Variants in CDH13 observed in about 807,000 individuals in gnomAD.
CDH13 encodes cadherin 13, also known as cadherin-13.
Under a neutral mutation model 63.8 loss-of-function variants are expected in CDH13, and 24 were observed. The observed-to-expected ratio is 0.38, with a 90% CI of 0.27 to 0.53. The LOEUF (loss-of-function observed/expected upper bound fraction) is 0.53, where lower values mean the gene tolerates loss of function less well. CDH13 is among the 20% of genes least tolerant of loss of function. The pLI, the probability that CDH13 is intolerant of heterozygous loss-of-function variation, is 0.85. For synonymous variants in CDH13, 503 were observed against 355.3 expected, an observed-to-expected ratio of 1.42 and a Z score of -4.67; for missense variants, 1,049 against 903.1, an observed-to-expected ratio of 1.16 and a Z score of -2.07.
intron 5 of CDH13, among the ~76,000 whole-genome samples, chr16:83,269,360 C>T (rs1177221333): frequency 6.6e-6 from 1 of 152,182 alleles, no homozygotes; most frequent in Non-Finnish European, 1.5e-5. Context: ...TGCATTACTG[C>T]TGTATGCATC....
intron 2 of CDH13, among the ~76,000 whole-genome samples, chr16:82,897,817 A>G (rs185053781): frequency 6.6e-6 from 1 of 152,374 alleles, no homozygotes; most frequent in Admixed American, 6.5e-5. Context: ...ATGTGCCTTT[A>G]TGAGTTTATC....
intron 2 of CDH13, among the ~76,000 whole-genome samples, chr16:82,892,907 G>A (rs2041129662): frequency 6.6e-6 from 1 of 152,144 alleles, no homozygotes; most frequent in Non-Finnish European, 1.5e-5. Flanking sequence ...GAATTTAAAA[G>A]AGTAATCCCT....
intron 1 of CDH13, among the ~76,000 whole-genome samples, chr16:82,801,259 T>A (rs150953885): frequency 6.6e-6 from 1 of 152,228 alleles, no homozygotes; most frequent in African/African-American, 2.4e-5. Context: ...TTTCCCACTC[T>A]GCTATCAGCC....
chr16:83,086,094 A>G (rs1390311150), intron 3 of CDH13, among the ~76,000 whole-genome samples: 1 of 152,196 alleles, frequency 6.6e-6, no homozygotes, highest in Non-Finnish European at 1.5e-5. Context: ...CCATGATGAA[A>G]AGATGGTGGC....
chr16:83,458,786 G>A (rs982898391), intron 6 of CDH13, among the ~76,000 whole-genome samples: 1 of 152,172 alleles, frequency 6.6e-6, no homozygotes, highest in African/African-American at 2.4e-5. Context: ...CTGACATTCT[G>A]TCTGCTGATC....
chr16:83,548,290 C>A (rs1197937279), intron 7 of CDH13, among the ~76,000 whole-genome samples: 1 of 152,172 alleles, frequency 6.6e-6, no homozygotes, highest in African/African-American at 2.4e-5. Context: ...TTCCAAGGAA[C>A]ACCTGGAAAT....
chr16:82,916,669 G>C (rs550690577), intron 2 of CDH13, among the ~76,000 whole-genome samples: 49 of 152,262 alleles, frequency 3.2e-4, no homozygotes, highest in African/African-American at 1.0e-3. Context: ...GCATATTCGG[G>C]AGGTTTATGA....
intron 5 of CDH13, among the ~76,000 whole-genome samples, chr16:83,246,816 C>T (rs566943227): frequency 6.6e-6 from 1 of 152,312 alleles, no homozygotes; most frequent in African/African-American, 2.4e-5. Context: ...TCAGTTGGGA[C>T]ATTGCCGTCT....
At chr16:83,045,230 C>T (rs569676041) in intron 3 of CDH13, among the ~76,000 whole-genome samples, 1 of 152,170 alleles carries the variant, frequency 6.6e-6, no homozygotes, top group Non-Finnish European at 1.5e-5. Flanking sequence ...TAGACAAGTC[C>T]TGTGTCATCA....
chr16:82,932,925 G>A (rs575405147), intron 2 of CDH13, among the ~76,000 whole-genome samples: 10 of 152,310 alleles, frequency 6.6e-5, no homozygotes, highest in African/African-American at 2.2e-4. Context: ...GAGAAATTGG[G>A]AAGCCATGAT....
chr16:83,258,747 TCAGA>T (rs1906605712), intron 5 of CDH13, among the ~76,000 whole-genome samples: 1 of 152,198 alleles, frequency 6.6e-6, no homozygotes, highest in African/African-American at 2.4e-5. Context: ...CGTTGTGGTG[TCAGA>T]CATTCTGCTC....
Position 82,824,935 on chromosome 16 carries a change from TTTTAATCTTTTACAGATACC to T in CDH13, c.46-33424_46-33405del, listed in dbSNP as rs1396738196. On this transcript the variant is annotated intron_variant, in intron 1 of 13. Transcript: ENST00000567109. Reference sequence around the variant, plus strand: ...CATGCTGCTTCTGTTAAAAAAATACTTTTAATCTTTTACAGATACCTTCTAAATATTTATAGATGAAATCA... The same window carrying T: ...CATGCTGCTTCTGTTAAAAAAATACTTTCTAAATATTTATAGATGAAATCA... 32 of 152,326 alleles carry T rather than the reference TTTTAATCTTTTACAGATACC, an allele frequency of 2.1e-4. 2 individuals carry two copies. Among genetic ancestry groups the T allele is most frequent in the African/African-American group, 7.2e-4 (30 of 41,582 alleles). 9.4% of individuals were successfully genotyped at this position (152,326 alleles called of 1,614,324 possible).
chr16:83,303,558 G>A (rs963325205), intron 5 of CDH13, among the ~76,000 whole-genome samples: 6 of 152,160 alleles, frequency 3.9e-5, no homozygotes, highest in Non-Finnish European at 7.3e-5. Flanking sequence ...CATAATAGGA[G>A]TTTTAATCTT....
chr16:83,432,129 G>T (rs2151484222), intron 6 of CDH13, among the ~76,000 whole-genome samples: 1 of 152,288 alleles, frequency 6.6e-6, no homozygotes, highest in Middle Eastern at 3.4e-3. Flanking sequence ...GTTGAGAGTG[G>T]TCAGATTGTG....
chr16:83,475,098 G>T (rs2151545147), intron 6 of CDH13, among the ~76,000 whole-genome samples: 1 of 152,348 alleles, frequency 6.6e-6, no homozygotes, highest in African/African-American at 2.4e-5. Flanking sequence ...ATTGTAAAAT[G>T]AAAACTCAGG....
intron 5 of CDH13, among the ~76,000 whole-genome samples, chr16:83,309,429 G>A (rs1188453337): frequency 1.3e-5 from 2 of 152,036 alleles, no homozygotes; most frequent in African/African-American, 4.8e-5. Context: ...AGGCTGGAGT[G>A]CAGTGGCATG....
At chr16:83,485,449 C>T (rs1235258507) in intron 6 of CDH13, among the ~76,000 whole-genome samples, 1 of 152,160 alleles carries the variant, frequency 6.6e-6, no homozygotes, top group African/African-American at 2.4e-5. Context: ...ATTTGTATGA[C>T]TCTTGCTTGT....
chr16:83,470,018 A>G (rs754407194), intron 6 of CDH13, among the ~76,000 whole-genome samples: 5 of 152,168 alleles, frequency 3.3e-5, no homozygotes, highest in Non-Finnish European at 5.9e-5. Context: ...TCTCTGGGTG[A>G]TACTTGTTGT....
At chr16:83,136,111 T>C (rs987216931) in intron 4 of CDH13, among the ~76,000 whole-genome samples, 2 of 149,882 alleles carry the variant, frequency 1.3e-5, no homozygotes, top group African/African-American at 4.9e-5. Context: ...ATCTCACATA[T>C]CACCACTAAA....
Sources: gnomAD v4.1 joint callset for allele counts (sites outside exome capture counted in the v4.1 genomes callset) on GRCh38, gnomAD v4.1.1 for gene constraint, MANE v1.5 for transcripts, NCBI Gene and HGNC (gene_info 2026-07-23, HGNC 2026-07-21) for gene names.